The following SZRD1 variants were observed in gnomAD, a reference collection of about 807,000 sequenced individuals.
The protein encoded by SZRD1 is SUZ RNA-binding domain-containing.
Under a neutral mutation model 17.6 loss-of-function variants are expected in SZRD1, and 7 were observed. That is an observed-to-expected ratio of 0.40 (90% CI 0.23 to 0.75). The LOEUF (loss-of-function observed/expected upper bound fraction) is 0.75, where lower values mean the gene tolerates loss of function less well. Ranked by LOEUF, SZRD1 falls within the 30% of genes least tolerant of loss-of-function variation. The probability of loss-of-function intolerance (pLI) is 0.38; values close to 1 mark genes in which losing one functional copy is unlikely to be tolerated. For synonymous variants in SZRD1, 77 were observed against 77.9 expected, an observed-to-expected ratio of 0.99 and a Z score of 0.06; for missense variants, 178 against 201.8, an observed-to-expected ratio of 0.88 and a Z score of 0.71.
At chr1:16,372,011 A>G (rs2082922947) in intron 1 of SZRD1, among the ~76,000 whole-genome samples, 1 of 152,216 alleles carries the variant, frequency 6.6e-6, no homozygotes, top group African/African-American at 2.4e-5. Flanking sequence ...AATTCTTAGT[A>G]TCAAGTCCTA....
intron 1 of SZRD1, among the ~76,000 whole-genome samples, chr1:16,380,387 GATCCTCCCAGGTTCAAGCAATCCTCC>G (rs1420283566): frequency 4.6e-5 from 7 of 151,334 alleles, no homozygotes; most frequent in African/African-American, 1.7e-4. Context: ...TCACTGCTGA[GATCCTCCCAGGTTCAAGCAATCCTCC>G]TGCCTCAGCC....
chr1:16,383,164 C>A (rs1420804608), intron 1 of SZRD1, among the ~76,000 whole-genome samples: 1 of 151,614 alleles, frequency 6.6e-6, no homozygotes, highest in African/African-American at 2.4e-5. Flanking sequence ...TTTTTCTTTT[C>A]TTTCTTTCTT....
At chr1:16,387,707 G>A (rs1393657931) in intron 1 of SZRD1, 1 of 456,688 alleles carries the variant, frequency 2.2e-6, no homozygotes, top group Non-Finnish European at 4.4e-6. Context: ...GGAGAAACTC[G>A]AATAGGCAGT....
At chr1:16,373,663 T>C (rs928328880) in intron 1 of SZRD1, among the ~76,000 whole-genome samples, 3 of 149,862 alleles carry the variant, frequency 2.0e-5, no homozygotes. Flanking sequence ...AGTGGTGCAA[T>C]GATGACTTAC....
At chr1:16,367,384 G>A (rs999430457) in intron 1 of SZRD1, 76 bp downstream of exon 1, 25 of 1,397,926 alleles carry the variant, frequency 1.8e-5, no homozygotes, top group Non-Finnish European at 2.2e-5. Context: ...AGCGGGTCTG[G>A]AGATAGTTCT....
chr1:16,377,441 G>A (rs1321706333), intron 1 of SZRD1, among the ~76,000 whole-genome samples: 2 of 151,728 alleles, frequency 1.3e-5, no homozygotes, highest in Non-Finnish European at 2.9e-5. Flanking sequence ...AAAAATGAGC[G>A]GGACGTGGTC....
intron 1 of SZRD1, chr1:16,390,583 C>T (rs1183565375): frequency 6.6e-6 from 1 of 152,210 alleles, no homozygotes; most frequent in Non-Finnish European, 1.5e-5. Flanking sequence ...CATGGACCTC[C>T]AAAGCCACAA....
At chr1:16,372,872 C>T (rs1012668598) in intron 1 of SZRD1, among the ~76,000 whole-genome samples, 2 of 152,084 alleles carry the variant, frequency 1.3e-5, no homozygotes, top group African/African-American at 2.4e-5. Flanking sequence ...CAGACAGGTC[C>T]GGCAGCACCT....
At chr1:16,380,122 GAA>G (rs2100716832) in intron 1 of SZRD1, among the ~76,000 whole-genome samples, 1 of 152,226 alleles carries the variant, frequency 6.6e-6, no homozygotes, top group African/African-American at 2.4e-5. Context: ...ACTCAGTAAA[GAA>G]AAGTAAAACA....
At chr1:16,378,163 C>T (rs1383544584) in intron 1 of SZRD1, among the ~76,000 whole-genome samples, 1 of 152,100 alleles carries the variant, frequency 6.6e-6, no homozygotes, top group African/African-American at 2.4e-5. Context: ...TTTGAGGAGG[C>T]ACTCAAAACA....
chr1:16,393,343 A>G lies in SZRD1; in HGVS notation c.217A>G (p.Ser73Gly), dbSNP rs766711724. 14 of 1,614,110 alleles carry G rather than the reference A, an allele frequency of 8.7e-6. No homozygotes were observed. Among genetic ancestry groups the G allele is most frequent in the African/African-American group, 1.3e-5 (1 of 74,938 alleles). The change falls in exon 3 of 4, where the codon AGC (serine) becomes GGC (glycine). Residue 73 changes from serine (S) to glycine (G), a missense_variant. Physicochemically the swap from Ser to Gly is moderately conservative, Grantham distance 56 (BLOSUM62 0). Coordinates refer to ENST00000401088, the MANE Select transcript of SZRD1 (RefSeq NM_001114600.3). This position sits in a 1 kb window ranked among gnomAD's most constrained non-coding sequence, Gnocchi z 5.6. ...GAGGCCCACCAGCAACGGTGTGGTC[A>G]GCAGCCCCAACTCCACCAGCAGGCC... ...LKRPTSNGVVSSPNSTSRPTL... is the reference protein window; with the variant it reads ...LKRPTSNGVVGSPNSTSRPTL...
chr1:16,387,532 C>T (rs372693945), intron 1 of SZRD1: 15 of 456,562 alleles, frequency 3.3e-5, no homozygotes, highest in African/African-American at 2.0e-4. Context: ...GCTTGTTGGC[C>T]GTCATTAGGC....
In SZRD1 at chr1:16,391,352, T is replaced by A; in HGVS notation, c.52-23T>A. The A allele has an allele frequency of 6.6e-7, 1 of 1,512,944 alleles. No individual in the cohort carries two copies. Among genetic ancestry groups the A allele is most frequent in the Admixed American group, 2.0e-5 (1 of 49,530 alleles). 93.7% of individuals were successfully genotyped at this position (1,512,944 alleles called of 1,614,324 possible). A position where few individuals can be genotyped will look rare whatever the true frequency, so the allele number is the denominator to read the frequency against. ...ATTTGAGAGAGATTTTTTCCTCTTT[T>A]TATATACATTTTTTTCCTCTAGGAA... On this transcript the variant is annotated intron_variant, in intron 1 of 3. Coordinates refer to ENST00000401088, the MANE Select transcript of SZRD1 (RefSeq NM_001114600.3). This position sits in a 1 kb window ranked among gnomAD's most constrained non-coding sequence, Gnocchi z 4.3.
rs143361889 is a variant in SZRD1, at chr1:16,369,257, T to G, written c.51+1949T>G. ...AGCAACCAATCACGTAAATTATTCT[T>G]CATATATGTTTTGGTGAGATATTTG... On this transcript the variant is annotated intron_variant, in intron 1 of 3. Transcript: ENST00000401088. 3.9e-4 allele frequency: 238 copies of G among 605,864 alleles called. 1 individual carries two copies. The African/African-American group carries it at 4.0e-3, about 10-fold the overall frequency. 37.5% of individuals were successfully genotyped at this position (605,864 alleles called of 1,614,324 possible).
chr1:16,374,365 A>T (rs915287050), intron 1 of SZRD1, among the ~76,000 whole-genome samples: 6 of 152,200 alleles, frequency 3.9e-5, no homozygotes, highest in African/African-American at 1.4e-4. Context: ...GGTTGGTTTC[A>T]CTGTGGCTTC....
chr1:16,370,550 A>G (rs996979967), intron 1 of SZRD1, among the ~76,000 whole-genome samples: 4 of 118,614 alleles, frequency 3.4e-5, no homozygotes, highest in Admixed American at 1.7e-4. Context: ...TTTTTTTTTT[A>G]TTTTTTGAGA....
At chr1:16,375,933 C>T (rs1420975158) in intron 1 of SZRD1, among the ~76,000 whole-genome samples, 4 of 152,306 alleles carry the variant, frequency 2.6e-5, no homozygotes, top group African/African-American at 7.2e-5. Flanking sequence ...TTCCATATGT[C>T]AGTAGTGTTT....
intron 1 of SZRD1, chr1:16,367,939 T>C (rs1020881878): frequency 6.6e-6 from 1 of 152,164 alleles, no homozygotes; most frequent in Non-Finnish European, 1.5e-5. Context: ...AACCGAAAGC[T>C]CTGCGGGGCA....
chr1:16,391,251 T>C lies in SZRD1; in HGVS notation c.52-124T>C. ...CCCAAAATCTAGTCCACATTTGTTA[T>C]GTTGAAGGACACAGTCATGTCCCTG... is the stretch of plus-strand genomic sequence containing the variant. On this transcript the variant is annotated intron_variant, in intron 1 of 3. Coordinates refer to ENST00000401088, the MANE Select transcript of SZRD1 (RefSeq NM_001114600.3). The surrounding 1 kb of genome is among the most constrained non-coding windows in gnomAD (Gnocchi z 4.3). 2 of 712,806 alleles carry C rather than the reference T, an allele frequency of 2.8e-6. No homozygotes were observed. 44.2% of individuals were successfully genotyped at this position (712,806 alleles called of 1,614,324 possible).
Sources: gnomAD v4.1 joint callset for allele counts (sites outside exome capture counted in the v4.1 genomes callset) on GRCh38, gnomAD v4.1.1 for gene constraint, Gnocchi (gnomAD v3.1) non-coding constraint, MANE v1.5 for transcripts, NCBI Gene and HGNC (gene_info 2026-07-23, HGNC 2026-07-21) for gene names.